Variants in ZNF892 observed in about 807,000 individuals in gnomAD.
ZNF892 encodes the protein zinc finger protein 892.
At chr2:95,232,622 G>A in the ZNF892 span, among the ~76,000 whole-genome samples, 1 of 152,168 alleles carries the variant, frequency 6.6e-6, no homozygotes. Context: ...TGACATTGGA[G>A]CTTCCACTTA....
chr2:95,225,100 T>C, the ZNF892 span, among the ~76,000 whole-genome samples: 1 of 152,260 alleles, frequency 6.6e-6, no homozygotes, highest in African/African-American at 2.4e-5. Context: ...GACATGGTCT[T>C]TGTGATTGGC....
the ZNF892 span, among the ~76,000 whole-genome samples, chr2:95,242,985 G>C: frequency 1.1e-4 from 16 of 152,312 alleles, no homozygotes; most frequent in Admixed American, 1.0e-3. Flanking sequence ...GAGTGTCTGC[G>C]ATTGCAGGCG....
the ZNF892 span, among the ~76,000 whole-genome samples, chr2:95,243,561 A>C: frequency 1.2e-4 from 14 of 116,726 alleles, no homozygotes; most frequent in African/African-American, 2.4e-4. Flanking sequence ...AAGTGAGGAG[A>C]CCCTCTGCCT....
chr2:95,254,602 T>A, the ZNF892 span, among the ~76,000 whole-genome samples: 386 of 152,196 alleles, frequency 2.5e-3, 2 homozygotes, highest in African/African-American at 8.8e-3. Context: ...TCATAAAATG[T>A]GTTAGGGAGG....
the ZNF892 span, chr2:95,211,867 A>G: frequency 1.0e-5 from 4 of 397,000 alleles, no homozygotes; most frequent in East Asian, 1.4e-4. Context: ...TTGTTTCTGG[A>G]TATAGTTTTA....
At chr2:95,222,946 T>A in the ZNF892 span, among the ~76,000 whole-genome samples, 1 of 152,240 alleles carries the variant, frequency 6.6e-6, no homozygotes. Context: ...CCCAGCTCAT[T>A]GTTTTTACAT....
chr2:95,219,624 G>C, the ZNF892 span, among the ~76,000 whole-genome samples: 1 of 152,186 alleles, frequency 6.6e-6, no homozygotes, highest in Non-Finnish European at 1.5e-5. Flanking sequence ...TTCTTGGTAT[G>C]ATGAGTGATT....
the ZNF892 span, among the ~76,000 whole-genome samples, chr2:95,260,018 C>T: frequency 6.6e-6 from 1 of 152,204 alleles, no homozygotes; most frequent in African/African-American, 2.4e-5. Flanking sequence ...TTAGGTGAAA[C>T]CTGGATCCTG....
At chr2:95,254,779 G>C in the ZNF892 span, among the ~76,000 whole-genome samples, 15 of 152,238 alleles carry the variant, frequency 9.9e-5, no homozygotes, top group Admixed American at 9.8e-4. Context: ...GGTCTATTCA[G>C]AGATTCAACT....
the ZNF892 span, among the ~76,000 whole-genome samples, chr2:95,213,206 C>G: frequency 1.3e-5 from 2 of 152,188 alleles, no homozygotes; most frequent in Admixed American, 1.3e-4. Flanking sequence ...AGGCAAGTCC[C>G]TCACTATCCT....
the ZNF892 span, among the ~76,000 whole-genome samples, chr2:95,210,149 GTATA>G: frequency 6.7e-6 from 1 of 148,446 alleles, no homozygotes; most frequent in Non-Finnish European, 1.5e-5. Context: ...ATGTATATAT[GTATA>G]TATGTGTATA....
the ZNF892 span, among the ~76,000 whole-genome samples, chr2:95,228,801 C>T: frequency 7.9e-5 from 12 of 152,200 alleles, no homozygotes; most frequent in South Asian, 2.5e-3. Context: ...AGGAAAATAT[C>T]TTGGGCCCCC....
chr2:95,232,627 C>T, the ZNF892 span, among the ~76,000 whole-genome samples: 1 of 152,156 alleles, frequency 6.6e-6, no homozygotes, highest in Non-Finnish European at 1.5e-5. Context: ...TTGGAGCTTC[C>T]ACTTACAGCC....
At chr2:95,244,212 C>T in the ZNF892 span, among the ~76,000 whole-genome samples, 4 of 149,076 alleles carry the variant, frequency 2.7e-5, no homozygotes, top group Non-Finnish European at 4.5e-5. Context: ...TGCGGAAGGC[C>T]GCAGGGTCCT....
the ZNF892 span, among the ~76,000 whole-genome samples, chr2:95,219,179 T>C: frequency 5.9e-5 from 9 of 151,654 alleles, no homozygotes; most frequent in Non-Finnish European, 1.3e-4. Flanking sequence ...TTTTTTTTTT[T>C]GTATTTTTAG....
At chr2:95,249,229 A>ATTTTTTTT in the ZNF892 span, among the ~76,000 whole-genome samples, 3 of 70,626 alleles carry the variant, frequency 4.2e-5, no homozygotes, top group African/African-American at 5.0e-5. Flanking sequence ...ATATATATAT[A>ATTTTTTTT]TATTTTTTTT....
chr2:95,254,979 A>G, the ZNF892 span, among the ~76,000 whole-genome samples: 3 of 151,664 alleles, frequency 2.0e-5, no homozygotes, highest in Non-Finnish European at 2.9e-5. Context: ...TTTCTTCTTT[A>G]TTAGTCTTGC....
chr2:95,206,454 A>C, the ZNF892 span, among the ~76,000 whole-genome samples: 1 of 152,226 alleles, frequency 6.6e-6, no homozygotes, highest in Non-Finnish European at 1.5e-5. Context: ...TTTTATATCT[A>C]GGTTTAGGAA....
chr2:95,213,965 G>A, the ZNF892 span, among the ~76,000 whole-genome samples: 1 of 152,092 alleles, frequency 6.6e-6, no homozygotes, highest in Non-Finnish European at 1.5e-5. Flanking sequence ...ATCTTTCTCT[G>A]ATCCTATCTC....
Sources: allele counts gnomAD v4.1 joint callset (sites outside exome capture counted in the v4.1 genomes callset), GRCh38; gene constraint gnomAD v4.1.1; transcripts MANE v1.5; gene names NCBI Gene and HGNC (gene_info 2026-07-23, HGNC 2026-07-21).